LRBA: variants seen among roughly 807,000 people sequenced by gnomAD.
LRBA encodes the protein LPS responsive beige-like anchor protein, also known as lipopolysaccharide-responsive and beige-like anchor protein.
In LRBA, 176 loss-of-function variants were observed where a neutral mutation model predicts 330.0. The observed-to-expected ratio is 0.53, with a 90% CI of 0.47 to 0.60. The LOEUF (loss-of-function observed/expected upper bound fraction) is 0.60. LRBA is among the 20% of genes least tolerant of loss of function. The pLI, the probability that LRBA is intolerant of heterozygous loss-of-function variation, is 0.00. For missense variants in LRBA, 3,259 were observed against 3,444.8 expected (o/e 0.95, Z 1.35); for synonymous variants, 1,230 against 1,193.0 (o/e 1.03, Z -0.64).
At chr4:150,540,637 A>G (rs1765219344) in intron 40 of LRBA, among the ~76,000 whole-genome samples, 1 of 152,352 alleles carries the variant, frequency 6.6e-6, no homozygotes, top group Non-Finnish European at 1.5e-5. Flanking sequence ...TAATAACAAT[A>G]GCAACTTATA....
intron 46 of LRBA, among the ~76,000 whole-genome samples, chr4:150,420,410 CACATTATAGT>C (rs1748541121): frequency 3.1e-5 from 4 of 129,322 alleles, no homozygotes; most frequent in South Asian, 2.3e-4. Context: ...ATATATAATA[CACATTATAGT>C]ATATATAAAG....
chr4:150,294,670 G>A (rs1221222285), intron 53 of LRBA, among the ~76,000 whole-genome samples: 2 of 152,324 alleles, frequency 1.3e-5, no homozygotes, highest in South Asian at 2.1e-4. Context: ...AGTAGCAGCA[G>A]GCCAGGCGCA....
intron 37 of LRBA, among the ~76,000 whole-genome samples, chr4:150,600,716 A>T (rs1217841346): frequency 6.6e-6 from 1 of 152,168 alleles, no homozygotes; most frequent in Non-Finnish European, 1.5e-5. Context: ...GAATAAAAAC[A>T]TGATGATATT....
At chr4:150,834,668 T>C (rs1046581274) in intron 28 of LRBA, among the ~76,000 whole-genome samples, 8 of 152,280 alleles carry the variant, frequency 5.3e-5, no homozygotes, top group Middle Eastern at 3.4e-3. Context: ...GTCCGAGGAT[T>C]TTCAGAATGA....
rs1393324804 is a variant in LRBA at position 150,396,154 on chromosome 4, T to C, written c.7194+19284A>G. Reference sequence around the variant, plus strand: ...GGCAGGTATCATCCAATCCAATGAGTACCAGAACAGAATAAAAAAGCAGAA... The same window carrying C: ...GGCAGGTATCATCCAATCCAATGAGCACCAGAACAGAATAAAAAAGCAGAA... On this transcript the variant is annotated intron_variant, in intron 47 of 56. Coordinates refer to ENST00000651943, the MANE Select transcript of LRBA (RefSeq NM_001364905.1). Among the ~76,000 whole-genome samples, 3 of 152,058 alleles carry C rather than the reference T, an allele frequency of 2.0e-5. No individual in the cohort carries two copies. In the East Asian group the frequency reaches 5.8e-4, roughly 29 times the overall value.
chr4:150,734,150 G>A (rs1174754331), intron 36 of LRBA, among the ~76,000 whole-genome samples: 2 of 151,898 alleles, frequency 1.3e-5, no homozygotes, highest in African/African-American at 2.4e-5. Context: ...CTTTTTCTGT[G>A]AGTTTTAATA....
chr4:150,897,596 C>G, intron 15 of LRBA, 143 bp downstream of exon 15: 2 of 598,914 alleles, frequency 3.3e-6, no homozygotes, highest in East Asian at 5.7e-5. Flanking sequence ...AGAACCAAAA[C>G]AAACATGGAA....
At position 150,833,552 on chromosome 4, in the gene LRBA, T is replaced by C. The variant is rs1486736897; in HGVS notation, c.4570-1576A>G. Among the ~76,000 whole-genome samples the C allele has an allele frequency of 3.3e-5, 5 of 152,186 alleles. 1 individual carries two copies. The highest frequency in any genetic ancestry group is 7.3e-5 in the Non-Finnish European group (5 of 68,030). On this transcript the variant is annotated intron_variant, in intron 28 of 56. Coordinates refer to ENST00000651943, the MANE Select transcript of LRBA (RefSeq NM_001364905.1). Reference sequence around the variant, plus strand: ...GTGTATATAAAAGTTACGTTTACACTATACTGTAATCTATTAATTGTACAA... The same window carrying C: ...GTGTATATAAAAGTTACGTTTACACCATACTGTAATCTATTAATTGTACAA...
At chr4:150,815,575 T>C (rs904912072) in intron 31 of LRBA, among the ~76,000 whole-genome samples, 2 of 151,804 alleles carry the variant, frequency 1.3e-5, no homozygotes, top group Non-Finnish European at 2.9e-5. Flanking sequence ...GAAAAAATTA[T>C]AAAATAAAAA....
intron 2 of LRBA, among the ~76,000 whole-genome samples, chr4:150,984,970 A>C (rs1741268327): frequency 6.6e-6 from 1 of 152,222 alleles, no homozygotes; most frequent in African/African-American, 2.4e-5. Context: ...ATTTTTAAAT[A>C]AGTCTTAAAA....
intron 40 of LRBA, among the ~76,000 whole-genome samples, chr4:150,574,197 T>C (rs1770244173): frequency 6.6e-6 from 1 of 152,140 alleles, no homozygotes; most frequent in Admixed American, 6.6e-5. Context: ...ACTCAGGATT[T>C]TTCCCAAGTT....
chr4:150,699,206 T>G (rs142113511), intron 36 of LRBA, among the ~76,000 whole-genome samples: 21 of 151,656 alleles, frequency 1.4e-4, no homozygotes, highest in African/African-American at 4.9e-4. Context: ...TAAACTGGCT[T>G]CTGCAGCATG....
intron 47 of LRBA, among the ~76,000 whole-genome samples, chr4:150,378,923 G>A (rs1741769286): frequency 6.6e-6 from 1 of 152,082 alleles, no homozygotes; most frequent in African/African-American, 2.4e-5. Context: ...TATTATTTAT[G>A]TAATAATAAT....
At chr4:150,294,766 A>G (rs908098490) in intron 53 of LRBA, among the ~76,000 whole-genome samples, 12 of 152,228 alleles carry the variant, frequency 7.9e-5, no homozygotes, top group Admixed American at 7.2e-4. Flanking sequence ...CATGGCCAAC[A>G]TGGTGAAACC....
chr4:150,511,418 T>C (rs1251687268), intron 40 of LRBA, among the ~76,000 whole-genome samples: 1 of 152,158 alleles, frequency 6.6e-6, no homozygotes, highest in Non-Finnish European at 1.5e-5. Context: ...CTTATCATCT[T>C]TTACCATTTT....
intron 26 of LRBA, 57 bp from the exon 27 acceptor site, chr4:150,844,836 G>C: frequency 1.4e-6 from 2 of 1,439,186 alleles, no homozygotes; most frequent in Non-Finnish European, 1.9e-6. Context: ...TAAGATTATG[G>C]AAGTGAAAAA....
At chr4:150,278,856 G>C (rs1747151701) in intron 55 of LRBA, among the ~76,000 whole-genome samples, 1 of 151,086 alleles carries the variant, frequency 6.6e-6, no homozygotes, top group African/African-American at 2.4e-5. Context: ...ACAGGGTCTT[G>C]CTCTGTCACC....
intron 2 of LRBA, among the ~76,000 whole-genome samples, chr4:150,953,378 T>TC (rs201552103): frequency 8.0e-4 from 44 of 54,678 alleles, no homozygotes; most frequent in African/African-American, 2.3e-3. Context: ...CCCCTCCCCC[T>TC]CCCCCCCCTC....
chr4:150,967,281 A>C (rs1461026940), intron 2 of LRBA, among the ~76,000 whole-genome samples: 1 of 152,192 alleles, frequency 6.6e-6, no homozygotes, highest in African/African-American at 2.4e-5. Flanking sequence ...CTACAGAATA[A>C]AATTTTAATC....
Sources: gnomAD v4.1 joint callset for allele counts (sites outside exome capture counted in the v4.1 genomes callset) on GRCh38, gnomAD v4.1.1 for gene constraint, MANE v1.5 for transcripts, NCBI Gene and HGNC (gene_info 2026-07-23, HGNC 2026-07-21) for gene names.